MALRD1: variants seen among roughly 807,000 people sequenced by gnomAD.
MALRD1 encodes the protein MAM and LDL receptor class A domain containing 1.
In MALRD1, 247 loss-of-function variants were observed where a neutral mutation model predicts 242.1. The ratio of observed to expected loss-of-function variants is 1.02; its 90% CI spans 0.92 to 1.13. The LOEUF (loss-of-function observed/expected upper bound fraction) is 1.13. MALRD1 is among the 50% of genes most tolerant of loss of function. The probability of loss-of-function intolerance (pLI) is 0.00; values close to 1 mark genes in which losing one functional copy is unlikely to be tolerated. For synonymous variants in MALRD1, 995 were observed against 866.6 expected, an observed-to-expected ratio of 1.15 and a Z score of -2.60; for missense variants, 2,989 against 2,533.1, an observed-to-expected ratio of 1.18 and a Z score of -3.86.
intron 32 of MALRD1, among the ~76,000 whole-genome samples, chr10:19,536,971 A>T (rs545579571): frequency 6.6e-6 from 1 of 152,316 alleles, no homozygotes; most frequent in South Asian, 2.1e-4. Flanking sequence ...GTTGAAGAGC[A>T]AGAAGGAGCC....
chr10:19,131,788 G>C (rs902322671), intron 8 of MALRD1, among the ~76,000 whole-genome samples: 1 of 152,128 alleles, frequency 6.6e-6, no homozygotes, highest in Non-Finnish European at 1.5e-5. Flanking sequence ...TCCTGGACCG[G>C]TGGAGCAAAG....
chr10:19,717,298 A>G (rs1834436845), intron 38 of MALRD1, among the ~76,000 whole-genome samples: 1 of 152,230 alleles, frequency 6.6e-6, no homozygotes, highest in African/African-American at 2.4e-5. Flanking sequence ...GAATATAAAA[A>G]TGACTTGTAC....
At chr10:19,489,513 A>T (rs930690058) in intron 29 of MALRD1, 5 of 559,172 alleles carry the variant, frequency 8.9e-6, no homozygotes, top group Admixed American at 4.6e-5. Flanking sequence ...GCAGCTCCAG[A>T]AACATTTTTA....
At chr10:19,493,153 C>T (rs1837563717) in intron 30 of MALRD1, 1 of 152,070 alleles carries the variant, frequency 6.6e-6, no homozygotes, top group African/African-American at 2.4e-5. Flanking sequence ...TAAAGAATAA[C>T]ACTCCATTTA....
At chr10:19,343,625 T>C (rs1236594127) in intron 24 of MALRD1, among the ~76,000 whole-genome samples, 1 of 152,106 alleles carries the variant, frequency 6.6e-6, no homozygotes, top group African/African-American at 2.4e-5. Context: ...CTTAAAGATC[T>C]TCTTTCTCTC....
At chr10:19,323,901 G>A (rs560566887) in intron 21 of MALRD1, 48 bp from the exon 22 acceptor site, 17 of 1,530,708 alleles carry the variant, frequency 1.1e-5, no homozygotes, top group Admixed American at 4.0e-5. Context: ...GTGAGCCACC[G>A]TGCCCGGCCT....
chr10:19,311,718 G>A (rs1842434694), intron 21 of MALRD1, among the ~76,000 whole-genome samples: 1 of 151,374 alleles, frequency 6.6e-6, no homozygotes, highest in South Asian at 2.1e-4. Context: ...GGGAAAATAT[G>A]CTCTTAAATT....
intron 28 of MALRD1, among the ~76,000 whole-genome samples, chr10:19,426,032 T>C (rs910730683): frequency 6.6e-6 from 1 of 152,208 alleles, no homozygotes; most frequent in African/African-American, 2.4e-5. Flanking sequence ...TGCTATTGTT[T>C]AAACAATTAT....
At chr10:19,203,585 T>C in intron 14 of MALRD1, 143 bp from the exon 15 acceptor site, 1 of 790,202 alleles carries the variant, frequency 1.3e-6, no homozygotes, top group Non-Finnish European at 1.8e-6. Flanking sequence ...GAAAGGATCT[T>C]TTTTATTTTC....
intron 7 of MALRD1, among the ~76,000 whole-genome samples, chr10:19,127,189 G>T (rs377018793): frequency 2.0e-5 from 3 of 152,158 alleles, no homozygotes; most frequent in East Asian, 1.9e-4. Flanking sequence ...CCATGTCTTT[G>T]CTATTGTGAA....
intron 36 of MALRD1, among the ~76,000 whole-genome samples, chr10:19,685,654 T>C (rs1055992261): frequency 3.9e-5 from 6 of 152,228 alleles, no homozygotes; most frequent in African/African-American, 1.4e-4. Context: ...TCTCAATGAC[T>C]TTGAAGGCTC....
chr10:19,391,634 C>G (rs532122891), intron 28 of MALRD1, among the ~76,000 whole-genome samples: 2 of 152,170 alleles, frequency 1.3e-5, no homozygotes, highest in Non-Finnish European at 2.9e-5. Flanking sequence ...CCCTCCACAC[C>G]GAGTCGCACC....
chr10:19,254,867 A>G (rs546984088), intron 18 of MALRD1, among the ~76,000 whole-genome samples: 2 of 152,172 alleles, frequency 1.3e-5, no homozygotes, highest in African/African-American at 2.4e-5. Context: ...GAAAGTAAGC[A>G]GCAGGTTGAA....
intron 4 of MALRD1, among the ~76,000 whole-genome samples, chr10:19,102,581 C>G (rs777317702): frequency 6.6e-6 from 1 of 152,026 alleles, no homozygotes; most frequent in Admixed American, 6.6e-5. Flanking sequence ...TCTGGGCTGA[C>G]TTCTTGAAAA....
chr10:19,137,430 C>T (rs1318982254), intron 10 of MALRD1, among the ~76,000 whole-genome samples: 1 of 151,708 alleles, frequency 6.6e-6, no homozygotes, highest in Non-Finnish European at 1.5e-5. Flanking sequence ...ATAGTGAAAC[C>T]CCCGTCTCTA....
chr10:19,660,474 T>A (rs1841378038), intron 36 of MALRD1, among the ~76,000 whole-genome samples: 1 of 152,110 alleles, frequency 6.6e-6, no homozygotes, highest in Non-Finnish European at 1.5e-5. Flanking sequence ...TCTGTATGCA[T>A]GATGAGTTTA....
chr10:19,466,440 T>C (rs1836220575), intron 29 of MALRD1, among the ~76,000 whole-genome samples: 4 of 152,208 alleles, frequency 2.6e-5, no homozygotes, highest in South Asian at 4.1e-4. Flanking sequence ...CTTTACATTT[T>C]ATTGCCTATT....
intron 34 of MALRD1, among the ~76,000 whole-genome samples, chr10:19,597,782 C>CA (rs1034825162): frequency 1.3e-5 from 2 of 152,122 alleles, no homozygotes; most frequent in Non-Finnish European, 2.9e-5. Flanking sequence ...TGTTAGAAGG[C>CA]ACATAGGGAA....
At chr10:19,503,640 A>G (rs563249426) in intron 31 of MALRD1, among the ~76,000 whole-genome samples, 5 of 152,330 alleles carry the variant, frequency 3.3e-5, no homozygotes, top group African/African-American at 1.2e-4. Flanking sequence ...CTTCCTTCAT[A>G]ACTTTATGTT....
Sources: gnomAD v4.1 joint callset for allele counts (sites outside exome capture counted in the v4.1 genomes callset) on GRCh38, gnomAD v4.1.1 for gene constraint, MANE v1.5 for transcripts, NCBI Gene and HGNC (gene_info 2026-07-23, HGNC 2026-07-21) for gene names.